The following PLPPR5 variants were observed in gnomAD, a reference collection of about 807,000 sequenced individuals.
PLPPR5 encodes the protein phospholipid phosphatase-related protein type 5.
Under a neutral mutation model 33.9 loss-of-function variants are expected in PLPPR5, and 16 were observed. That is an observed-to-expected ratio of 0.47 (90% CI 0.32 to 0.72). PLPPR5 has a LOEUF of 0.72. Ranked by LOEUF, PLPPR5 falls within the 30% of genes least tolerant of loss-of-function variation. The pLI is 0.03. For synonymous variants in PLPPR5, 163 were observed against 150.3 expected, an observed-to-expected ratio of 1.08 and a Z score of -0.62; for missense variants, 301 against 406.7, an observed-to-expected ratio of 0.74 and a Z score of 2.23.
At chr1:98,958,115 G>A (rs754333700) in intron 1 of PLPPR5, among the ~76,000 whole-genome samples, 32 of 152,220 alleles carry the variant, frequency 2.1e-4, no homozygotes, top group Non-Finnish European at 4.3e-4. Flanking sequence ...GGAGCTAACA[G>A]TGTGTCTACT....
intron 3 of PLPPR5, among the ~76,000 whole-genome samples, chr1:98,931,748 C>T (rs928900885): frequency 8.6e-5 from 13 of 151,962 alleles, no homozygotes; most frequent in Admixed American, 2.0e-4. Context: ...GAGAGGTTAA[C>T]GGGGGCCAGG....
chr1:98,958,353 T>C (rs60376514), intron 1 of PLPPR5, among the ~76,000 whole-genome samples: 2,777 of 152,258 alleles, frequency 0.018, 77 homozygotes, highest in African/African-American at 0.063. Context: ...GATTATGAGA[T>C]ACCTCTTCAC....
intron 3 of PLPPR5, among the ~76,000 whole-genome samples, chr1:98,949,460 C>A (rs1254885112): frequency 1.3e-5 from 2 of 152,122 alleles, no homozygotes; most frequent in African/African-American, 2.4e-5. Flanking sequence ...CATAACAGGG[C>A]TCATTGATTT....
intron 4 of PLPPR5, among the ~76,000 whole-genome samples, chr1:98,919,473 A>C (rs1310279028): frequency 1.3e-5 from 2 of 152,156 alleles, no homozygotes; most frequent in African/African-American, 4.8e-5. Flanking sequence ...GGATATTACA[A>C]CATATTACAG....
chr1:98,939,916 G>C (rs1557677023), intron 3 of PLPPR5, among the ~76,000 whole-genome samples: 1 of 151,842 alleles, frequency 6.6e-6, no homozygotes, highest in Non-Finnish European at 1.5e-5. Flanking sequence ...ATTTATCGTA[G>C]AGAACGCTAA....
intron 1 of PLPPR5, among the ~76,000 whole-genome samples, chr1:98,986,722 ACT>A (rs1278904604): frequency 1.3e-5 from 2 of 151,800 alleles, no homozygotes; most frequent in African/African-American, 2.4e-5. Context: ...TTAGAAGGTA[ACT>A]CTTTATGTTT....
chr1:98,962,054 C>G (rs1408216215), intron 1 of PLPPR5, among the ~76,000 whole-genome samples: 2 of 152,184 alleles, frequency 1.3e-5, no homozygotes, highest in Non-Finnish European at 2.9e-5. Context: ...GTTCCTCCTG[C>G]TCTTCTGTGT....
Position 99,004,609 on chromosome 1 carries a change from T to C in PLPPR5, c.63A>G (p.Ala21=), listed in dbSNP as rs780708455. The change falls in exon 1 of 6, where the codon GCA becomes GCG. Residue 21 remains alanine (A), a synonymous_variant. Transcript: ENST00000263177. The part of the protein sequence containing the change: ...SMLYFQMVIM[A]GTVMLAYYFE... ...AGTAGTACGCCAGCATCACCGTCCC[T>C]GCCATGATCACCATCTGGAAATAGA... is the stretch of plus-strand genomic sequence containing the variant. The C allele has an allele frequency of 6.2e-7, 1 of 1,613,044 alleles. No homozygotes were observed.
chr1:98,930,799 C>T (rs1039407688), intron 3 of PLPPR5, among the ~76,000 whole-genome samples: 1 of 152,098 alleles, frequency 6.6e-6, no homozygotes, highest in African/African-American at 2.4e-5. Flanking sequence ...TTCTTTCCCC[C>T]TCTCAAGGCT....
At position 98,940,660 on chromosome 1, in the gene PLPPR5, G is replaced by A. The variant is rs752459952; in HGVS notation, c.621+12410C>T. Among the ~76,000 whole-genome samples the A allele has an allele frequency of 1.9e-4, 29 of 151,894 alleles. 2 individuals are homozygous for A. The highest frequency in any genetic ancestry group is 4.1e-4 in the Non-Finnish European group (28 of 67,962). ...CAGTGGCAAAGTGCAGAATGGACAAGGATGAGAAAAGAATTATGTTAGGAA... is the reference window on the plus strand; with the variant it reads ...CAGTGGCAAAGTGCAGAATGGACAAAGATGAGAAAAGAATTATGTTAGGAA... On this transcript the variant is annotated intron_variant, in intron 3 of 5. Coordinates refer to ENST00000263177, the MANE Select transcript of PLPPR5 (RefSeq NM_001037317.2).
At chr1:98,957,365 A>G (rs1651053023) in intron 1 of PLPPR5, among the ~76,000 whole-genome samples, 1 of 151,788 alleles carries the variant, frequency 6.6e-6, no homozygotes, top group Non-Finnish European at 1.5e-5. Context: ...AAAAAGAAAA[A>G]TTATGAACAA....
intron 3 of PLPPR5, among the ~76,000 whole-genome samples, chr1:98,940,275 G>A (rs1008591939): frequency 6.6e-6 from 1 of 151,838 alleles, no homozygotes; most frequent in Non-Finnish European, 1.5e-5. Flanking sequence ...CCCTCTTGCT[G>A]TGTCCTCACA....
chr1:98,989,086 G>T (rs1477427700), intron 1 of PLPPR5, among the ~76,000 whole-genome samples: 1 of 152,100 alleles, frequency 6.6e-6, no homozygotes, highest in Admixed American at 6.6e-5. Flanking sequence ...ACAGGGAGGA[G>T]TCTGTGCAGT....
chr1:98,938,082 C>T lies in PLPPR5; in HGVS notation c.621+14988G>A, dbSNP rs962924763. ...CATAGAGGGTGGGAATCATTTGTGG[C>T]TTTTGCTCCATTTAGTGTCTCCAGC... On this transcript the variant is annotated intron_variant, in intron 3 of 5. Transcript: ENST00000263177. Among the ~76,000 whole-genome samples, 5 of 151,510 alleles carry T rather than the reference C, an allele frequency of 3.3e-5. No homozygotes were observed. In the East Asian group the frequency reaches 5.8e-4, roughly 18 times the overall value.
intron 1 of PLPPR5, among the ~76,000 whole-genome samples, chr1:98,965,533 T>C (rs1651415586): frequency 1.3e-5 from 2 of 152,130 alleles, no homozygotes; most frequent in African/African-American, 4.8e-5. Context: ...AAAGCCCCAT[T>C]CTGCTGATGA....
intron 3 of PLPPR5, among the ~76,000 whole-genome samples, chr1:98,929,034 C>G (rs771457654): frequency 6.6e-6 from 1 of 151,940 alleles, no homozygotes; most frequent in African/African-American, 2.4e-5. Context: ...TTAGGAGATT[C>G]CGTATTTAGT....
chr1:98,940,645 G>C (rs1465627447), intron 3 of PLPPR5, among the ~76,000 whole-genome samples: 1 of 151,896 alleles, frequency 6.6e-6, no homozygotes, highest in African/African-American at 2.4e-5. Context: ...CAGTGGCAAA[G>C]TGCAGAATGG....
At chr1:98,954,598 C>T (rs1477542711) in intron 2 of PLPPR5, among the ~76,000 whole-genome samples, 1 of 151,894 alleles carries the variant, frequency 6.6e-6, no homozygotes, top group African/African-American at 2.4e-5. Context: ...ATACAAAAAC[C>T]CCCACACAGC....
intron 3 of PLPPR5, among the ~76,000 whole-genome samples, chr1:98,937,956 C>A (rs1650234391): frequency 6.6e-6 from 1 of 152,048 alleles, no homozygotes; most frequent in South Asian, 2.1e-4. Flanking sequence ...ATAAATACTG[C>A]ATTACACATG....
Sources: allele counts gnomAD v4.1 joint callset (sites outside exome capture counted in the v4.1 genomes callset), GRCh38; gene constraint gnomAD v4.1.1; transcripts MANE v1.5; gene names NCBI Gene and HGNC (gene_info 2026-07-23, HGNC 2026-07-21).